Variants in RETREG1 observed in about 807,000 individuals in gnomAD.
The protein encoded by RETREG1 is reticulophagy regulator 1.
RETREG1 carries 44 observed loss-of-function variants against 54.8 expected under a neutral mutation model. That is an observed-to-expected ratio of 0.80 (90% CI 0.63 to 1.03). The LOEUF (loss-of-function observed/expected upper bound fraction) is 1.03, where lower values mean the gene tolerates loss of function less well. RETREG1 is among the 50% of genes least tolerant of loss of function. The pLI is 0.00. For synonymous variants in RETREG1, 217 were observed against 238.5 expected, an observed-to-expected ratio of 0.91 and a Z score of 0.83; for missense variants, 554 against 605.1, an observed-to-expected ratio of 0.92 and a Z score of 0.89.
Position 16,589,469 on chromosome 5 carries a change from G to C in RETREG1, c.321-17367C>G, listed in dbSNP as rs560118420. On this transcript the variant is annotated intron_variant, in intron 1 of 8. Coordinates refer to ENST00000306320, the MANE Select transcript of RETREG1 (RefSeq NM_001034850.3). ...GGCTCACTGCAACCTCCACCTCCCGGGTTCAAGTGATTCTCCTGCCTCAGC... is the reference window on the plus strand; with the variant it reads ...GGCTCACTGCAACCTCCACCTCCCGCGTTCAAGTGATTCTCCTGCCTCAGC... Among the ~76,000 whole-genome samples the C allele has an allele frequency of 3.9e-5, 6 of 152,204 alleles. 1 individual carries two copies. The highest frequency in any genetic ancestry group is 1.4e-4 in the African/African-American group (6 of 41,542).
intron 1 of RETREG1, among the ~76,000 whole-genome samples, chr5:16,574,800 G>A (rs1218429814): frequency 6.6e-6 from 1 of 152,166 alleles, no homozygotes; most frequent in Non-Finnish European, 1.5e-5. Context: ...GCTACCAAAA[G>A]GGAGTGGTGA....
chr5:16,571,953 T>C (rs769200632), intron 2 of RETREG1, 43 bp downstream of exon 2: 29 of 1,452,188 alleles, frequency 2.0e-5, no homozygotes, highest in African/African-American at 1.4e-5. Context: ...ATGCAGGGTC[T>C]AGAAAATTAA....
In RETREG1 at chr5:16,582,055, T is replaced by G. The variant is rs564528832; in HGVS notation, c.321-9953A>C. ...CTAAAGCAAACATTATATATGACCA[T>G]TAAAATATACATATACATATCATGA... is the stretch of plus-strand genomic sequence containing the variant. On this transcript the variant is annotated intron_variant, in intron 1 of 8. Transcript: ENST00000306320. Among the ~76,000 whole-genome samples the G allele has an allele frequency of 1.1e-4, 17 of 152,336 alleles. No individual in the cohort carries two copies. In the Middle Eastern group the frequency reaches 0.01, roughly 91 times the overall value.
chr5:16,477,241 G>A (rs531327008), intron 8 of RETREG1, among the ~76,000 whole-genome samples: 59 of 152,128 alleles, frequency 3.9e-4, no homozygotes, highest in Non-Finnish European at 5.9e-4. Flanking sequence ...ACCCTTCTAA[G>A]GTATACAATT....
rs72744178 is a variant in RETREG1 at position 16,508,311 on chromosome 5, A to C, written c.459-24839T>G. Among the ~76,000 whole-genome samples, 1,508 of 152,318 alleles carry C rather than the reference A, an allele frequency of 9.9e-3. 15 individuals carry two copies. Among genetic ancestry groups the C allele is most frequent in the Non-Finnish European group, 0.018 (1,230 of 68,018 alleles). On this transcript the variant is annotated intron_variant, in intron 3 of 8. Coordinates refer to ENST00000306320, the MANE Select transcript of RETREG1 (RefSeq NM_001034850.3). ...AGTAGATTCTACATTATGTGCTGGG[A>C]AACACTTTTTTAAAAAATTTCAGGC...
intron 1 of RETREG1, among the ~76,000 whole-genome samples, chr5:16,603,235 AT>A (rs1743093512): frequency 2.0e-5 from 3 of 152,246 alleles, no homozygotes; most frequent in African/African-American, 7.2e-5. Flanking sequence ...TATTCTCCAC[AT>A]CATTTACTAT....
intron 3 of RETREG1, among the ~76,000 whole-genome samples, chr5:16,514,019 A>G (rs1385041086): frequency 6.6e-6 from 1 of 152,260 alleles, no homozygotes; most frequent in Non-Finnish European, 1.5e-5. Context: ...ATAATTTTAA[A>G]TATGATTAAC....
intron 1 of RETREG1, among the ~76,000 whole-genome samples, chr5:16,584,099 C>T (rs1428788106): frequency 2.0e-5 from 3 of 151,238 alleles, no homozygotes; most frequent in East Asian, 1.9e-4. Context: ...TATGAGGACA[C>T]GAAGGCATAA....
At chr5:16,491,186 C>A (rs1473815808) in intron 3 of RETREG1, among the ~76,000 whole-genome samples, 1 of 152,194 alleles carries the variant, frequency 6.6e-6, no homozygotes, top group African/African-American at 2.4e-5. Context: ...CATTACGATA[C>A]CCTGCAAGGC....
chr5:16,531,376 T>G (rs952859679), intron 3 of RETREG1, among the ~76,000 whole-genome samples: 1 of 152,200 alleles, frequency 6.6e-6, no homozygotes, highest in African/African-American at 2.4e-5. Flanking sequence ...TTTGGTGAAA[T>G]GACCGATGCA....
chr5:16,521,597 G>C (rs1054076945), intron 3 of RETREG1, among the ~76,000 whole-genome samples: 2 of 152,208 alleles, frequency 1.3e-5, no homozygotes, highest in African/African-American at 4.8e-5. Context: ...ACACCATAGA[G>C]ACAGAGGTCT....
At chr5:16,518,664 GAC>G (rs1207142703) in intron 3 of RETREG1, among the ~76,000 whole-genome samples, 9 of 152,146 alleles carry the variant, frequency 5.9e-5, no homozygotes, top group African/African-American at 2.2e-4. Flanking sequence ...ACTCACTTGG[GAC>G]ACAGGCCTTC....
chr5:16,487,648 G>A (rs10067429), intron 3 of RETREG1, among the ~76,000 whole-genome samples: 4,022 of 152,332 alleles, frequency 0.026, 192 homozygotes, highest in African/African-American at 0.092. Flanking sequence ...GGAAAAACTA[G>A]TCAGGTGTTT....
intron 3 of RETREG1, among the ~76,000 whole-genome samples, chr5:16,557,180 G>A (rs531550944): frequency 1.4e-4 from 21 of 152,258 alleles, no homozygotes; most frequent in African/African-American, 4.1e-4. Context: ...GAAGATCCAC[G>A]TCAATTTCCT....
chr5:16,499,687 T>TCAC (rs975298943), intron 3 of RETREG1, among the ~76,000 whole-genome samples: 1 of 152,198 alleles, frequency 6.6e-6, no homozygotes, highest in African/African-American at 2.4e-5. Context: ...CGACACTCAT[T>TCAC]CACCACCACC....
At chr5:16,477,469 G>A (rs1738584230) in intron 8 of RETREG1, among the ~76,000 whole-genome samples, 193 bp downstream of exon 8, 1 of 152,146 alleles carries the variant, frequency 6.6e-6, no homozygotes, top group African/African-American at 2.4e-5. Context: ...GGCATTTTGT[G>A]TCTGGCTTCT....
intron 3 of RETREG1, among the ~76,000 whole-genome samples, chr5:16,557,572 C>T (rs943046761): frequency 6.6e-6 from 1 of 152,120 alleles, no homozygotes; most frequent in Non-Finnish European, 1.5e-5. Context: ...GTTCTTTCTT[C>T]GGAGAGAGAA....
intron 1 of RETREG1, among the ~76,000 whole-genome samples, chr5:16,602,138 A>C (rs1052441880): frequency 1.3e-5 from 2 of 152,248 alleles, no homozygotes; most frequent in Non-Finnish European, 2.9e-5. Context: ...GAGTGCACCA[A>C]GGAAGGCTTC....
chr5:16,479,514 T>C (rs1264781091), intron 5 of RETREG1, among the ~76,000 whole-genome samples: 2 of 152,116 alleles, frequency 1.3e-5, no homozygotes, highest in Admixed American at 6.6e-5. Flanking sequence ...ATAAATGAAA[T>C]CAATGCAAAC....
Sources: gnomAD v4.1 joint callset for allele counts (sites outside exome capture counted in the v4.1 genomes callset) on GRCh38, gnomAD v4.1.1 for gene constraint, MANE v1.5 for transcripts, NCBI Gene and HGNC (gene_info 2026-07-23, HGNC 2026-07-21) for gene names.